The following KDM2A variants were observed in gnomAD, a reference collection of about 807,000 sequenced individuals.
The protein encoded by KDM2A is lysine demethylase 2A.
In KDM2A, 3 loss-of-function variants were observed where a neutral mutation model predicts 137.3. The observed-to-expected ratio is 0.02, with a 90% CI of 0.01 to 0.06. The LOEUF (loss-of-function observed/expected upper bound fraction) is 0.06, where lower values mean the gene tolerates loss of function less well. KDM2A is among the 10% of genes least tolerant of loss of function. KDM2A has a pLI of 1.00. For synonymous variants in KDM2A, 512 were observed against 541.5 expected (o/e 0.95, Z 0.76); for missense variants, 738 against 1,510.6 (o/e 0.49, Z 8.48).
chr11:67,237,253 A>G (rs1391276324), intron 12 of KDM2A, among the ~76,000 whole-genome samples: 1 of 152,100 alleles, frequency 6.6e-6, no homozygotes, highest in African/African-American at 2.4e-5. Context: ...GTTAGGCCCC[A>G]TCCCAGGAGT....
intron 5 of KDM2A, among the ~76,000 whole-genome samples, chr11:67,191,562 T>G (rs1857355174): frequency 6.6e-6 from 1 of 152,216 alleles, no homozygotes; most frequent in African/African-American, 2.4e-5. Context: ...CAATATAAAT[T>G]TCATTAACAG....
intron 2 of KDM2A, among the ~76,000 whole-genome samples, chr11:67,171,202 A>G (rs1257069310): frequency 6.6e-6 from 1 of 152,166 alleles, no homozygotes; most frequent in East Asian, 1.9e-4. Context: ...TGATACATAG[A>G]AGTTGAGAGG....
At chr11:67,175,573 C>CTT in intron 2 of KDM2A, among the ~76,000 whole-genome samples, 1 of 152,256 alleles carries the variant, frequency 6.6e-6, no homozygotes, top group East Asian at 1.9e-4. Context: ...AGAAGCCTTC[C>CTT]TTGTATCCTT....
chr11:67,141,672 A>T (rs925107412), intron 2 of KDM2A, among the ~76,000 whole-genome samples: 1 of 74,552 alleles, frequency 1.3e-5, no homozygotes, highest in African/African-American at 7.0e-5. Flanking sequence ...TTCCAAAAAA[A>T]AAAAAAAAAA....
chr11:67,237,460 T>C (rs1858904947), intron 12 of KDM2A, among the ~76,000 whole-genome samples: 1 of 151,346 alleles, frequency 6.6e-6, no homozygotes, highest in Admixed American at 6.6e-5. Context: ...ATTATTATCA[T>C]TATTATTATT....
At position 67,184,216 on chromosome 11, in the gene KDM2A, G is replaced by A. The variant is rs1266791844; in HGVS notation, c.307+2324G>A. Among the ~76,000 whole-genome samples the A allele has an allele frequency of 3.3e-5, 5 of 151,364 alleles. No homozygotes were observed. In the South Asian group the frequency reaches 1.0e-3, roughly 32 times the overall value. On this transcript the variant is annotated intron_variant, in intron 5 of 20. Transcript: ENST00000529006. ...GGGGATTTAAAGGGCTATTGTGGCC[G>A]GGTGCAGTGGCTCATGTCTGTAATC...
intron 2 of KDM2A, among the ~76,000 whole-genome samples, chr11:67,155,732 T>C (rs142390307): frequency 0.086 from 13,089 of 151,604 alleles, 1,911 homozygotes; most frequent in African/African-American, 0.3. Flanking sequence ...TTCTCCTGCC[T>C]CAGCCTCCTA....
At position 67,255,700 on chromosome 11, in the gene KDM2A, C is replaced by T. The variant is rs1191785645; in HGVS notation, c.*645C>T. On this transcript the variant is annotated 3_prime_UTR_variant, in exon 21 of 21. Coordinates refer to ENST00000529006, the MANE Select transcript of KDM2A (RefSeq NM_012308.3). ...TTGTTCACATAATTAGGTTTCCCAC[C>T]CCAGCCTACCCGACTTACTTGCTAG... 4 of 394,552 alleles carry T rather than the reference C, an allele frequency of 1.0e-5. No homozygotes were observed. The East Asian group carries it at 2.9e-4, about 29-fold the overall frequency. 24.4% of individuals were successfully genotyped at this position (394,552 alleles called of 1,614,324 possible).
At chr11:67,251,225 A>G (rs997254827) in intron 17 of KDM2A, among the ~76,000 whole-genome samples, 2 of 152,160 alleles carry the variant, frequency 1.3e-5, no homozygotes, top group African/African-American at 2.4e-5. Flanking sequence ...CCCTGACTCA[A>G]TTACCTCTCC....
rs1303380853 is a variant in KDM2A at position 67,119,806 on chromosome 11, C to G, written c.-327C>G. The G allele has an allele frequency of 1.3e-5, 2 of 151,242 alleles. No homozygotes were observed. The highest frequency in any genetic ancestry group is 4.8e-5 in the African/African-American group (2 of 41,330). 9.4% of individuals were successfully genotyped at this position (151,242 alleles called of 1,614,324 possible). On this transcript the variant is annotated 5_prime_UTR_variant, in exon 1 of 21. Coordinates refer to ENST00000529006, the MANE Select transcript of KDM2A (RefSeq NM_012308.3). ...CTGGCCTGGGGGAGGCGGGGGCGCC[C>G]CGGGCTCGGCGCCGAGGGGTCGCGC...
At chr11:67,139,871 G>C (rs1202329813) in intron 2 of KDM2A, among the ~76,000 whole-genome samples, 1 of 151,542 alleles carries the variant, frequency 6.6e-6, no homozygotes, top group Non-Finnish European at 1.5e-5. Flanking sequence ...ACCATGCCTG[G>C]CTATTTTTGT....
intron 12 of KDM2A, among the ~76,000 whole-genome samples, chr11:67,233,713 T>C (rs969021435): frequency 6.7e-6 from 1 of 148,546 alleles, no homozygotes; most frequent in African/African-American, 2.5e-5. Context: ...TAAGGAGATT[T>C]GAGGTGAAAG....
chr11:67,189,550 C>T lies in KDM2A; in HGVS notation c.307+7658C>T, dbSNP rs542130502. Among the ~76,000 whole-genome samples the T allele has an allele frequency of 1.0e-3, 152 of 152,008 alleles. 3 individuals carry two copies. The highest frequency in any genetic ancestry group is 6.9e-3 in the Admixed American group (105 of 15,250). ...GCCAGCTTGGGCAACATAGCAAGAC[C>T]TTATCTCGGCCGGGCGAGGTGGCTC... On this transcript the variant is annotated intron_variant, in intron 5 of 20. Transcript: ENST00000529006.
At chr11:67,123,733 A>G (rs980651623) in intron 2 of KDM2A, among the ~76,000 whole-genome samples, 24 of 151,958 alleles carry the variant, frequency 1.6e-4, no homozygotes, top group African/African-American at 5.3e-4. Flanking sequence ...CTGGTGTCCA[A>G]TGGCACTATC....
In KDM2A at chr11:67,181,911, G is replaced by A. The variant is rs1404690999; in HGVS notation, c.307+19G>A. The A allele has an allele frequency of 6.2e-7, 1 of 1,611,904 alleles. No homozygotes were observed. Among genetic ancestry groups the A allele is most frequent in the Non-Finnish European group, 8.5e-7 (1 of 1,178,224 alleles). The stretch of plus-strand genomic sequence containing the variant: ...TGTGTGGGTAAGTGTCGAGCTTTTG[G>A]CCTCTGTCTTTAAGGCAAAGATTTA... On this transcript the variant is annotated intron_variant, in intron 5 of 20. Transcript: ENST00000529006.
intron 6 of KDM2A, among the ~76,000 whole-genome samples, chr11:67,209,232 C>T (rs1349424024): frequency 6.6e-6 from 1 of 151,502 alleles, no homozygotes; most frequent in African/African-American, 2.4e-5. Flanking sequence ...CACACCGGGC[C>T]GAAAGGAACT....
chr11:67,176,952 A>AT lies in KDM2A; in HGVS notation c.43-3117dup, dbSNP rs200841610. Among the ~76,000 whole-genome samples, 380 of 150,796 alleles carry AT rather than the reference A, an allele frequency of 2.5e-3. 1 individual carries two copies. Among genetic ancestry groups the AT allele is most frequent in the East Asian group, 4.8e-3 (25 of 5,158 alleles). On this transcript the variant is annotated intron_variant, in intron 2 of 20. Transcript: ENST00000529006. ...AGTGTTTTATTTTTTAATTTATAAA[A>AT]TTTTTTTTTTCAATAATAAACTAGG...
chr11:67,207,210 T>G (rs1448196418), intron 5 of KDM2A, among the ~76,000 whole-genome samples: 1 of 152,194 alleles, frequency 6.6e-6, no homozygotes, highest in Non-Finnish European at 1.5e-5. Flanking sequence ...TTCTCATGTA[T>G]GAAGTGGAGA....
At chr11:67,155,413 A>G (rs1426592203) in intron 2 of KDM2A, among the ~76,000 whole-genome samples, 1 of 150,672 alleles carries the variant, frequency 6.6e-6, no homozygotes, top group African/African-American at 2.4e-5. Context: ...GGCTCAAGCG[A>G]TTATCCTGTC....
Sources: gnomAD v4.1 joint callset for allele counts (sites outside exome capture counted in the v4.1 genomes callset) on GRCh38, gnomAD v4.1.1 for gene constraint, MANE v1.5 for transcripts, NCBI Gene and HGNC (gene_info 2026-07-23, HGNC 2026-07-21) for gene names.